POU2F1: variants seen among roughly 807,000 people sequenced by gnomAD.
POU2F1 encodes the protein POU class 2 homeobox 1.
A neutral mutation model predicts 84.9 loss-of-function variants in POU2F1; 16 were observed. That is an observed-to-expected ratio of 0.19 (90% CI 0.13 to 0.29). The LOEUF (loss-of-function observed/expected upper bound fraction) is 0.29, where lower values mean the gene tolerates loss of function less well. Ranked by LOEUF, POU2F1 falls within the 10% of genes least tolerant of loss-of-function variation. The probability of loss-of-function intolerance (pLI) is 1.00; values close to 1 mark genes in which losing one functional copy is unlikely to be tolerated. For synonymous variants in POU2F1, 368 were observed against 368.3 expected, an observed-to-expected ratio of 1.00 and a Z score of 0.01; for missense variants, 738 against 942.6, an observed-to-expected ratio of 0.78 and a Z score of 2.84.
At chr1:167,404,765 C>T (rs191845683) in intron 13 of POU2F1, among the ~76,000 whole-genome samples, 1 of 152,256 alleles carries the variant, frequency 6.6e-6, no homozygotes, top group Non-Finnish European at 1.5e-5. Context: ...TGAATAATTT[C>T]CTCCTCTATC....
intron 2 of POU2F1, among the ~76,000 whole-genome samples, chr1:167,352,320 G>A (rs984714883): frequency 6.6e-6 from 1 of 152,186 alleles, no homozygotes; most frequent in Non-Finnish European, 1.5e-5. Flanking sequence ...TTATTTTAAT[G>A]TAAAAGAAAT....
At chr1:167,396,800 T>G (rs560581328) in intron 10 of POU2F1, 1 of 159,696 alleles carries the variant, frequency 6.3e-6, no homozygotes, top group South Asian at 2.0e-4. Flanking sequence ...ATCATAGAAC[T>G]TGTTCTTGCA....
chr1:167,423,465 A>G lies in POU2F1; in HGVS notation c.*7655A>G, dbSNP rs2949666. The G allele has an allele frequency of 0.47, 70,731 of 152,096 alleles. 16,875 individuals carry two copies. The highest frequency in any genetic ancestry group is 0.57 in the Middle Eastern group (169 of 294). 9.4% of individuals were successfully genotyped at this position (152,096 alleles called of 1,614,324 possible). A position where few individuals can be genotyped will look rare whatever the true frequency, so the allele number is the denominator to read the frequency against. ...TGCTAGATAGGTTTATAAGTAGGTA[A>G]TAGGGATGTTGAAGATTAGAGCACT... is the stretch of plus-strand genomic sequence containing the variant. On this transcript the variant is annotated 3_prime_UTR_variant, in exon 16 of 16. Transcript: ENST00000367866.
At chr1:167,394,129 C>T (rs895789509) in intron 9 of POU2F1, among the ~76,000 whole-genome samples, 5 of 151,994 alleles carry the variant, frequency 3.3e-5, no homozygotes, top group South Asian at 2.1e-4. Context: ...AAGCAGTTCT[C>T]GTGCCTCAGC....
Position 167,321,897 on chromosome 1 carries a change from A to G in POU2F1, c.62-10573A>G, listed in dbSNP as rs140167592. Among the ~76,000 whole-genome samples the G allele has an allele frequency of 7.0e-3, 1,060 of 152,274 alleles. 8 individuals carry two copies. Among genetic ancestry groups the G allele is most frequent in the African/African-American group, 0.024 (1,006 of 41,562 alleles). On this transcript the variant is annotated intron_variant, in intron 1 of 15. Coordinates refer to ENST00000367866, the MANE Select transcript of POU2F1 (RefSeq NM_002697.4). ...AGAACTTGTGCTCCCCATTGCTGTAATAAATCTCTCCCCAATAAATTTATA... is the reference window on the plus strand; with the variant it reads ...AGAACTTGTGCTCCCCATTGCTGTAGTAAATCTCTCCCCAATAAATTTATA...
intron 8 of POU2F1, among the ~76,000 whole-genome samples, chr1:167,388,636 C>CA (rs1269611920): frequency 5.3e-5 from 8 of 152,172 alleles, no homozygotes; most frequent in Admixed American, 5.2e-4. Flanking sequence ...TCCAAGCTAT[C>CA]AAAGAGTAAG....
At chr1:167,370,615 T>G (rs535884913) in intron 4 of POU2F1, among the ~76,000 whole-genome samples, 1 of 147,278 alleles carries the variant, frequency 6.8e-6, no homozygotes, top group South Asian at 2.1e-4. Context: ...AACACTGGAC[T>G]GAGACACAAG....
chr1:167,290,055 C>G (rs756519394), intron 1 of POU2F1, among the ~76,000 whole-genome samples: 1 of 152,194 alleles, frequency 6.6e-6, no homozygotes. Context: ...TCCACAAATA[C>G]GTAATTATTT....
intron 11 of POU2F1, 136 bp from the exon 12 acceptor site, chr1:167,399,048 ATC>A: frequency 4.5e-6 from 3 of 673,472 alleles, no homozygotes; most frequent in Non-Finnish European, 4.7e-6. Flanking sequence ...TATCTACACA[ATC>A]TCTTTGTTGA....
intron 1 of POU2F1, among the ~76,000 whole-genome samples, chr1:167,227,301 A>G (rs1571117948): frequency 1.3e-5 from 2 of 152,206 alleles, no homozygotes; most frequent in Admixed American, 1.3e-4. Context: ...GTTGGAATAT[A>G]GAAATGGTAT....
intron 2 of POU2F1, among the ~76,000 whole-genome samples, chr1:167,343,668 T>C (rs1658011321): frequency 6.0e-5 from 1 of 16,680 alleles, no homozygotes; most frequent in Non-Finnish European, 1.0e-4. Context: ...TTTTTTTTTT[T>C]TTTTTTTTTT....
At chr1:167,331,972 C>T (rs572231272) in intron 1 of POU2F1, among the ~76,000 whole-genome samples, 5 of 152,014 alleles carry the variant, frequency 3.3e-5, no homozygotes, top group Admixed American at 1.3e-4. Flanking sequence ...TTACCTTAGA[C>T]GTGTTTTCTT....
At chr1:167,355,356 C>T (rs1216412874) in intron 2 of POU2F1, among the ~76,000 whole-genome samples, 1 of 152,100 alleles carries the variant, frequency 6.6e-6, no homozygotes, top group Non-Finnish European at 1.5e-5. Flanking sequence ...TCTCTAGACT[C>T]TGCACTGGTA....
At chr1:167,404,506 C>A (rs977440453) in intron 13 of POU2F1, among the ~76,000 whole-genome samples, 1 of 152,170 alleles carries the variant, frequency 6.6e-6, no homozygotes, top group African/African-American at 2.4e-5. Flanking sequence ...TGAGGGGTAT[C>A]TTTCCTCATG....
intron 8 of POU2F1, among the ~76,000 whole-genome samples, chr1:167,386,369 A>G (rs1473918791): frequency 6.6e-6 from 1 of 152,136 alleles, no homozygotes; most frequent in East Asian, 1.9e-4. Context: ...TATTTTTTGT[A>G]GAGATGGGGT....
intron 1 of POU2F1, among the ~76,000 whole-genome samples, chr1:167,302,061 C>T (rs1187783409): frequency 6.6e-6 from 1 of 151,996 alleles, no homozygotes; most frequent in Admixed American, 6.6e-5. Context: ...ACAAAAACAA[C>T]TCCTTTTATT....
intron 1 of POU2F1, among the ~76,000 whole-genome samples, chr1:167,272,300 C>CTT (rs35886551): frequency 0.046 from 5,590 of 122,508 alleles, 271 homozygotes; most frequent in African/African-American, 0.12. Context: ...TAAATATTAC[C>CTT]TTTTTTTTTT....
chr1:167,414,396 G>A (rs1407422386), intron 15 of POU2F1: 10 of 985,338 alleles, frequency 1.0e-5, no homozygotes, highest in Non-Finnish European at 1.2e-5. Flanking sequence ...AAGCTGCACT[G>A]TCTCACTGTT....
chr1:167,232,844 CAAAA>C (rs1265663009), intron 1 of POU2F1, among the ~76,000 whole-genome samples: 1 of 87,866 alleles, frequency 1.1e-5, no homozygotes. Context: ...GACTCCATCT[CAAAA>C]AAAAAAAAAA....
Sources: allele counts gnomAD v4.1 joint callset (sites outside exome capture counted in the v4.1 genomes callset), GRCh38; gene constraint gnomAD v4.1.1; transcripts MANE v1.5; gene names NCBI Gene and HGNC (gene_info 2026-07-23, HGNC 2026-07-21).